The following MICU3 variants were observed in gnomAD, a reference collection of about 807,000 sequenced individuals.
The protein encoded by MICU3 is mitochondrial calcium uptake 3, also known as calcium uptake protein 3, mitochondrial.
In MICU3, 62 loss-of-function variants were observed where a neutral mutation model predicts 66.5. The observed-to-expected ratio is 0.93, with a 90% CI of 0.76 to 1.15. The LOEUF (loss-of-function observed/expected upper bound fraction) is 1.15. Among genes scored for constraint, MICU3 ranks in the 50% most tolerant of loss-of-function variants. MICU3 has a pLI of 0.00. For missense variants in MICU3, 779 were observed against 664.4 expected (o/e 1.17, Z -1.90); for synonymous variants, 308 against 240.7 (o/e 1.28, Z -2.59).
chr8:17,066,531 A>ATATATATG (rs1818721357), intron 2 of MICU3, among the ~76,000 whole-genome samples: 1 of 125,156 alleles, frequency 8.0e-6, no homozygotes, highest in Non-Finnish European at 1.7e-5. Context: ...ATATATATAT[A>ATATATATG]TATATATATA....
chr8:17,081,413 C>CA, intron 4 of MICU3, among the ~76,000 whole-genome samples: 1 of 152,120 alleles, frequency 6.6e-6, no homozygotes, highest in Admixed American at 6.5e-5. Context: ...TAGAAACTAG[C>CA]AACAAGTTTA....
At chr8:17,060,954 G>T (rs190725055) in intron 1 of MICU3, among the ~76,000 whole-genome samples, 1 of 152,120 alleles carries the variant, frequency 6.6e-6, no homozygotes, top group Admixed American at 6.5e-5. Flanking sequence ...GAGTGGATTC[G>T]TAAAGTGGAG....
chr8:17,115,271 G>A (rs1316100584), intron 12 of MICU3, among the ~76,000 whole-genome samples: 1 of 152,158 alleles, frequency 6.6e-6, no homozygotes, highest in East Asian at 1.9e-4. Flanking sequence ...CATTGAATAA[G>A]AGAAACCTGC....
At chr8:17,050,188 C>G (rs937867869) in intron 1 of MICU3, among the ~76,000 whole-genome samples, 4 of 152,114 alleles carry the variant, frequency 2.6e-5, no homozygotes, top group Non-Finnish European at 5.9e-5. Flanking sequence ...AATTATCTTT[C>G]AGAATGGTAC....
intron 1 of MICU3, among the ~76,000 whole-genome samples, chr8:17,047,000 C>G (rs1416989622): frequency 6.6e-6 from 1 of 152,104 alleles, no homozygotes. Context: ...TGGATAAAAT[C>G]TAGATGAGAA....
At chr8:17,119,044 A>G (rs1000321328) in intron 14 of MICU3, among the ~76,000 whole-genome samples, 5 of 152,188 alleles carry the variant, frequency 3.3e-5, no homozygotes, top group African/African-American at 1.2e-4. Flanking sequence ...TTTTAGGATC[A>G]TGATTCTGAG....
chr8:17,073,238 C>T (rs951773982), intron 3 of MICU3, among the ~76,000 whole-genome samples: 8 of 152,146 alleles, frequency 5.3e-5, no homozygotes, highest in Non-Finnish European at 4.4e-5. Flanking sequence ...TATATCAGAT[C>T]GCCCCCTTCC....
rs1803208073 is a variant in MICU3 at position 17,121,699 on chromosome 8, G to A, written c.*1412G>A. On this transcript the variant is annotated 3_prime_UTR_variant, in exon 15 of 15. Transcript: ENST00000318063. Reference sequence around the variant, plus strand: ...GATCTGCATCAGCTTATTTATAAAAGTAATGTTATTTCCAAGAAAATGTTA... The same window carrying A: ...GATCTGCATCAGCTTATTTATAAAAATAATGTTATTTCCAAGAAAATGTTA... The A allele has an allele frequency of 6.6e-6, 1 of 152,140 alleles. No homozygotes were observed. Among genetic ancestry groups the A allele is most frequent in the Non-Finnish European group, 1.5e-5 (1 of 67,692 alleles). 9.4% of individuals were successfully genotyped at this position (152,140 alleles called of 1,614,324 possible).
chr8:17,129,380 A>G, the MICU3 span, among the ~76,000 whole-genome samples: 1 of 152,356 alleles, frequency 6.6e-6, no homozygotes, highest in African/African-American at 2.4e-5. Flanking sequence ...GAACTATTAT[A>G]AACATGTTCA....
intron 7 of MICU3, among the ~76,000 whole-genome samples, chr8:17,087,371 T>C (rs1250228650): frequency 1.3e-5 from 2 of 152,048 alleles, no homozygotes; most frequent in African/African-American, 2.4e-5. Flanking sequence ...GATTTAATTA[T>C]AATGTGAGAG....
chr8:17,106,902 C>A (rs1801791070), intron 11 of MICU3, among the ~76,000 whole-genome samples: 1 of 151,550 alleles, frequency 6.6e-6, no homozygotes, highest in African/African-American at 2.4e-5. Context: ...CCACACTCTA[C>A]TTATGTCTTT....
At chr8:17,063,727 A>G (rs1364920095) in intron 1 of MICU3, among the ~76,000 whole-genome samples, 3 of 152,172 alleles carry the variant, frequency 2.0e-5, no homozygotes, top group Non-Finnish European at 4.4e-5. Context: ...AAGAGTACAT[A>G]GTAGGCATTC....
intron 1 of MICU3, among the ~76,000 whole-genome samples, chr8:17,039,974 C>A (rs957573395): frequency 8.4e-6 from 1 of 119,078 alleles, no homozygotes; most frequent in Admixed American, 1.2e-4. Context: ...ATGGCACGAT[C>A]TCAGCTCACT....
chr8:17,049,377 G>C (rs1242861866), intron 1 of MICU3, among the ~76,000 whole-genome samples: 1 of 152,136 alleles, frequency 6.6e-6, no homozygotes, highest in Non-Finnish European at 1.5e-5. Context: ...CTGGAGTTGA[G>C]TAGCCAAACA....
intron 1 of MICU3, among the ~76,000 whole-genome samples, chr8:17,062,625 A>C (rs1252353851): frequency 6.6e-6 from 1 of 152,202 alleles, no homozygotes; most frequent in Non-Finnish European, 1.5e-5. Context: ...ATATTTAAAC[A>C]GTTTTTTCTT....
chr8:17,091,753 C>T (rs760084117), intron 8 of MICU3, among the ~76,000 whole-genome samples: 4 of 152,040 alleles, frequency 2.6e-5, no homozygotes, highest in Non-Finnish European at 5.9e-5. Flanking sequence ...CTGTCATTTC[C>T]TTTACATTTT....
At chr8:17,090,612 A>G (rs374645565) in intron 8 of MICU3, 28 bp downstream of exon 8, 214 of 1,540,568 alleles carry the variant, frequency 1.4e-4, no homozygotes, top group Non-Finnish European at 1.1e-4. Context: ...AATGTTCTTT[A>G]TGTATATAGC....
chr8:17,072,791 A>T (rs1819797183), intron 3 of MICU3, among the ~76,000 whole-genome samples: 1 of 152,222 alleles, frequency 6.6e-6, no homozygotes, highest in Non-Finnish European at 1.5e-5. Context: ...ATACTATTTG[A>T]CACCCGCCAG....
chr8:17,034,974 C>T (rs978853543), intron 1 of MICU3, among the ~76,000 whole-genome samples: 1 of 152,212 alleles, frequency 6.6e-6, no homozygotes, highest in Non-Finnish European at 1.5e-5. Flanking sequence ...ACACATATGT[C>T]ATGAGAGGGA....
Sources: allele counts gnomAD v4.1 joint callset (sites outside exome capture counted in the v4.1 genomes callset), GRCh38; gene constraint gnomAD v4.1.1; transcripts MANE v1.5; gene names NCBI Gene and HGNC (gene_info 2026-07-23, HGNC 2026-07-21).